The following HACE1 variants were observed in gnomAD, a reference collection of about 807,000 sequenced individuals.
The protein encoded by HACE1 is HECT domain and ankyrin repeat containing E3 ubiquitin protein ligase 1, also known as E3 ubiquitin-protein ligase HACE1.
A neutral mutation model predicts 118.4 loss-of-function variants in HACE1; 73 were observed. The ratio of observed to expected loss-of-function variants is 0.62; its 90% CI spans 0.51 to 0.75. The LOEUF is 0.75. HACE1 is among the 30% of genes least tolerant of loss of function. HACE1 has a pLI of 0.00. For synonymous variants in HACE1, 368 were observed against 374.8 expected (o/e 0.98, Z 0.21); for missense variants, 749 against 1,102.2 (o/e 0.68, Z 4.54).
chr6:104,822,553 T>C (rs1273864469), intron 6 of HACE1, among the ~76,000 whole-genome samples: 1 of 151,432 alleles, frequency 6.6e-6, no homozygotes, highest in Non-Finnish European at 1.5e-5. Context: ...ACCCTGTCTC[T>C]AAATAAAAAA....
chr6:104,744,370 C>A, intron 21 of HACE1, 140 bp from the exon 22 acceptor site: 1 of 803,224 alleles, frequency 1.2e-6, no homozygotes, highest in Non-Finnish European at 2.2e-6. Context: ...GCAAAGCTTT[C>A]ATATGCACTA....
intron 7 of HACE1, among the ~76,000 whole-genome samples, chr6:104,800,287 C>T (rs915169795): frequency 7.2e-5 from 11 of 152,104 alleles, no homozygotes; most frequent in Admixed American, 1.3e-4. Context: ...GTGGGCAGGG[C>T]ATAGCTGAAA....
chr6:104,753,838 G>A (rs1024149378), intron 19 of HACE1, among the ~76,000 whole-genome samples: 6 of 152,166 alleles, frequency 3.9e-5, no homozygotes, highest in African/African-American at 1.2e-4. Flanking sequence ...AAAAGCCAGA[G>A]TGCCTCTTCT....
intron 11 of HACE1, among the ~76,000 whole-genome samples, chr6:104,789,277 T>C (rs1021304979): frequency 1.3e-5 from 2 of 152,154 alleles, no homozygotes; most frequent in African/African-American, 4.8e-5. Flanking sequence ...TTAATACTTA[T>C]TAATGTGTTT....
At chr6:104,857,232 A>C (rs556387108) in intron 1 of HACE1, among the ~76,000 whole-genome samples, 251 of 149,166 alleles carry the variant, frequency 1.7e-3, no homozygotes, top group Admixed American at 4.8e-3. Context: ...TATATGTATG[A>C]TATACTTTAA....
In HACE1 at chr6:104,817,383, A is replaced by G. The variant is rs1029240874; in HGVS notation, c.535-5990T>C. On this transcript the variant is annotated intron_variant, in intron 6 of 23. Coordinates refer to ENST00000262903, the MANE Select transcript of HACE1 (RefSeq NM_020771.4). ...TCCTGTAGGTTTAAAAGTGTGTGGC[A>G]CTTCCCCCTTGCACACACTCTCTCT... Among the ~76,000 whole-genome samples the G allele has an allele frequency of 5.3e-5, 8 of 151,974 alleles. 1 individual carries two copies. Among genetic ancestry groups the G allele is most frequent in the Non-Finnish European group, 8.8e-5 (6 of 67,966 alleles).
chr6:104,844,960 G>A (rs547658840), intron 4 of HACE1, among the ~76,000 whole-genome samples: 8 of 151,712 alleles, frequency 5.3e-5, no homozygotes, highest in South Asian at 2.1e-4. Context: ...CACCACACCC[G>A]GCCCCCATCA....
intron 19 of HACE1, among the ~76,000 whole-genome samples, chr6:104,759,645 G>A (rs1463007276): frequency 3.3e-5 from 5 of 151,982 alleles, no homozygotes; most frequent in Admixed American, 6.6e-5. Context: ...AAGAACTAGA[G>A]AAGCAAGAGC....
At position 104,740,427 on chromosome 6, in the gene HACE1, T is replaced by TAATAAAGA. The variant is rs1776520985; in HGVS notation, c.2513+3732_2513+3733insTCTTTATT. Among the ~76,000 whole-genome samples the TAATAAAGA allele has an allele frequency of 4.0e-5, 6 of 150,542 alleles. No homozygotes were observed. The South Asian group carries it at 1.3e-3, about 31-fold the overall frequency. ...AAAATTGATAGACCGCTAGCAAGAC[T>TAATAAAGA]AAAAAAGAGAGAAGAATCAAATAGA... On this transcript the variant is annotated intron_variant, in intron 22 of 23. Transcript: ENST00000262903.
intron 2 of HACE1, 40 bp from the exon 3 acceptor site, chr6:104,851,036 GT>G (rs1776151899): frequency 8.3e-7 from 1 of 1,207,090 alleles, no homozygotes. Flanking sequence ...TGTAAAAAAA[GT>G]TTTTAAAAAC....
At chr6:104,828,975 T>G (rs1249937742) in intron 6 of HACE1, among the ~76,000 whole-genome samples, 2 of 152,072 alleles carry the variant, frequency 1.3e-5, no homozygotes, top group Non-Finnish European at 2.9e-5. Context: ...GAAGGCGAAT[T>G]TCAGAGGATT....
chr6:104,788,526 T>TG (rs1308563243), intron 11 of HACE1, among the ~76,000 whole-genome samples: 1 of 152,182 alleles, frequency 6.6e-6, no homozygotes, highest in African/African-American at 2.4e-5. Flanking sequence ...ATTGATATCC[T>TG]GTTAGTCTGA....
chr6:104,789,878 T>C (rs180935967), intron 11 of HACE1, among the ~76,000 whole-genome samples: 22 of 152,212 alleles, frequency 1.4e-4, no homozygotes, highest in Non-Finnish European at 2.9e-4. Context: ...CTTTGTGTGA[T>C]ATGAATGTTT....
chr6:104,774,080 C>CTCT (rs1780927579), intron 17 of HACE1, among the ~76,000 whole-genome samples: 8 of 74,844 alleles, frequency 1.1e-4, no homozygotes, highest in African/African-American at 6.4e-4. Context: ...CATCTTTTCT[C>CTCT]TTTTTTTTTT....
At chr6:104,776,224 T>C (rs1781216010) in intron 17 of HACE1, among the ~76,000 whole-genome samples, 2 of 152,164 alleles carry the variant, frequency 1.3e-5, no homozygotes, top group South Asian at 4.1e-4. Context: ...AGATTAAGAG[T>C]TGAAATTTTA....
chr6:104,751,555 A>C (rs1778045548), intron 19 of HACE1, among the ~76,000 whole-genome samples: 1 of 152,188 alleles, frequency 6.6e-6, no homozygotes, highest in Non-Finnish European at 1.5e-5. Context: ...GCTTGAGCCC[A>C]GGAGTTCGAG....
At chr6:104,766,185 T>A (rs966826810) in intron 19 of HACE1, among the ~76,000 whole-genome samples, 5 of 152,228 alleles carry the variant, frequency 3.3e-5, no homozygotes, top group African/African-American at 9.6e-5. Context: ...TCTTGGCATA[T>A]GCGTCCTGCA....
intron 10 of HACE1, among the ~76,000 whole-genome samples, chr6:104,794,033 A>G (rs901915434): frequency 3.2e-4 from 48 of 152,282 alleles, no homozygotes; most frequent in Non-Finnish European, 4.3e-4. Context: ...CACCCCTGTC[A>G]TTTTTAGAAG....
At chr6:104,835,062 C>T (rs1003609847) in intron 5 of HACE1, among the ~76,000 whole-genome samples, 1 of 152,204 alleles carries the variant, frequency 6.6e-6, no homozygotes, top group Non-Finnish European at 1.5e-5. Context: ...CTATCCAGCA[C>T]GCAGACTGTT....
Sources: gnomAD v4.1 joint callset for allele counts (sites outside exome capture counted in the v4.1 genomes callset) on GRCh38, gnomAD v4.1.1 for gene constraint, MANE v1.5 for transcripts, NCBI Gene and HGNC (gene_info 2026-07-23, HGNC 2026-07-21) for gene names.